Variants in TMTC2 observed in about 807,000 individuals in gnomAD.
TMTC2 encodes the protein transmembrane O-mannosyltransferase targeting cadherins 2, also known as protein O-mannosyl-transferase TMTC2.
In TMTC2, 43 loss-of-function variants were observed where a neutral mutation model predicts 82.4. The ratio of observed to expected loss-of-function variants is 0.52; its 90% CI spans 0.41 to 0.67. The LOEUF is 0.67. Among genes scored for constraint, TMTC2 ranks in the 30% least tolerant of loss-of-function variants. TMTC2 has a pLI of 0.00. For missense variants in TMTC2, 919 were observed against 1,012.4 expected (o/e 0.91, Z 1.25); for synonymous variants, 408 against 381.9 (o/e 1.07, Z -0.80).
intron 1 of TMTC2, among the ~76,000 whole-genome samples, chr12:82,801,399 GAACAAAGCTTCCACC>G (rs1878990593): frequency 1.3e-5 from 2 of 152,176 alleles, no homozygotes; most frequent in East Asian, 1.9e-4. Flanking sequence ...AAGAGCGAAA[GAACAAAGCTTCCACC>G]GTGTAGAAGG....
At chr12:83,039,025 G>T (rs1881787918) in intron 9 of TMTC2, among the ~76,000 whole-genome samples, 1 of 143,492 alleles carries the variant, frequency 7.0e-6, no homozygotes, top group Non-Finnish European at 1.5e-5. Flanking sequence ...TCTGCCCCCC[G>T]GGTTCAAGCG....
At chr12:83,101,882 C>T (rs1206259550) in intron 11 of TMTC2, among the ~76,000 whole-genome samples, 1 of 152,058 alleles carries the variant, frequency 6.6e-6, no homozygotes, top group Non-Finnish European at 1.5e-5. Context: ...GATCTAGGGG[C>T]TTTGTATGCA....
chr12:82,895,982 C>T lies in TMTC2; in HGVS notation c.819C>T (p.Phe273=). ...GCCTCCTCACCCGCACTCTCACCTT[C>T]TTCTACTTGCCAACCAAGAACCTCT... The part of the protein sequence containing the change: ...SDSLLTRTLT[F]FYLPTKNLWL... Residue 273 remains phenylalanine, a synonymous_variant, in exon 3 of 12, where the codon TTC becomes TTT. Transcript: ENST00000321196. 6.2e-7 allele frequency: 1 copy of T among 1,613,938 alleles called. No homozygotes were observed. The highest frequency in any genetic ancestry group is 8.5e-7 in the Non-Finnish European group (1 of 1,180,014).
chr12:83,015,914 C>A (rs929552288), intron 8 of TMTC2, among the ~76,000 whole-genome samples: 1 of 152,144 alleles, frequency 6.6e-6, no homozygotes, highest in East Asian at 1.9e-4. Flanking sequence ...CCCCTTTCCA[C>A]CTAGTTTAAA....
At chr12:82,803,456 T>C (rs929929322) in intron 1 of TMTC2, among the ~76,000 whole-genome samples, 2 of 152,088 alleles carry the variant, frequency 1.3e-5, no homozygotes, top group Admixed American at 1.3e-4. Flanking sequence ...GTCACAGTTG[T>C]TACATGAAAG....
At chr12:82,766,599 A>T (rs1876974648) in intron 1 of TMTC2, among the ~76,000 whole-genome samples, 1 of 152,204 alleles carries the variant, frequency 6.6e-6, no homozygotes, top group African/African-American at 2.4e-5. Flanking sequence ...CCTACATCTT[A>T]TGAAGATGAT....
chr12:83,041,643 C>T (rs560943372), intron 9 of TMTC2, among the ~76,000 whole-genome samples: 1 of 152,120 alleles, frequency 6.6e-6, no homozygotes. Context: ...AACCTCTTTA[C>T]ATGTAAACAA....
At chr12:82,792,602 G>C (rs1878523382) in intron 1 of TMTC2, among the ~76,000 whole-genome samples, 1 of 151,984 alleles carries the variant, frequency 6.6e-6, no homozygotes, top group Non-Finnish European at 1.5e-5. Context: ...GAGTAGCTGG[G>C]ACAACAGACG....
At chr12:83,080,996 A>C (rs1340996756) in intron 11 of TMTC2, among the ~76,000 whole-genome samples, 1 of 152,220 alleles carries the variant, frequency 6.6e-6, no homozygotes, top group African/African-American at 2.4e-5. Flanking sequence ...TGTGGATATA[A>C]TGAGAAATAG....
intron 4 of TMTC2, among the ~76,000 whole-genome samples, chr12:82,961,683 C>T (rs1260127587): frequency 6.6e-6 from 1 of 152,048 alleles, no homozygotes; most frequent in Non-Finnish European, 1.5e-5. Context: ...CGTCTGCCTA[C>T]TGGCAGTCTC....
At chr12:82,885,536 A>AT (rs10645908) in intron 2 of TMTC2, among the ~76,000 whole-genome samples, 5,813 of 145,992 alleles carry the variant, frequency 0.04, 153 homozygotes, top group East Asian at 0.11. Flanking sequence ...TGTCTGGCTA[A>AT]TTTTTTTTTT....
At chr12:83,053,127 G>A (rs1163465639) in intron 10 of TMTC2, among the ~76,000 whole-genome samples, 1 of 152,100 alleles carries the variant, frequency 6.6e-6, no homozygotes, top group Non-Finnish European at 1.5e-5. Context: ...AAAGGTTACT[G>A]GTTTCCCCTT....
At chr12:83,044,124 G>T (rs1222695994) in intron 9 of TMTC2, among the ~76,000 whole-genome samples, 1 of 152,198 alleles carries the variant, frequency 6.6e-6, no homozygotes. Context: ...ATCACTGCAA[G>T]ATATGGAAAT....
At chr12:82,809,155 G>T (rs1388559731) in intron 1 of TMTC2, among the ~76,000 whole-genome samples, 1 of 151,322 alleles carries the variant, frequency 6.6e-6, no homozygotes, top group Admixed American at 6.6e-5. Flanking sequence ...AAGAAACAAA[G>T]GATATTACCG....
chr12:82,749,158 G>A (rs913640758), intron 1 of TMTC2, among the ~76,000 whole-genome samples: 3 of 152,120 alleles, frequency 2.0e-5, no homozygotes, highest in African/African-American at 2.4e-5. Flanking sequence ...CCTCTTTGAC[G>A]GTGGCTCAGA....
At chr12:83,071,216 G>A (rs11115565) in intron 11 of TMTC2, among the ~76,000 whole-genome samples, 47,910 of 149,340 alleles carry the variant, frequency 0.32, 7,966 homozygotes, top group South Asian at 0.47. Context: ...GTGCAGTGGC[G>A]CTATCTCGGC....
chr12:83,112,239 A>G (rs1196770134), intron 11 of TMTC2, among the ~76,000 whole-genome samples: 3 of 152,180 alleles, frequency 2.0e-5, no homozygotes, highest in Non-Finnish European at 4.4e-5. Flanking sequence ...ACCTCAATGT[A>G]TCAATCCATT....
rs1479724649 is a variant in TMTC2 at position 82,906,400 on chromosome 12, C to T, written c.1483+9754C>T. Among the ~76,000 whole-genome samples the T allele has an allele frequency of 2.0e-5, 3 of 152,242 alleles. No individual in the cohort carries two copies. In the East Asian group the frequency reaches 5.8e-4, roughly 29 times the overall value. On this transcript the variant is annotated intron_variant, in intron 3 of 11. Transcript: ENST00000321196. ...CCATTTAAGGCCAGACACGGTGGCTCAAGTCTGTAATCCCAGCACTTTGGG... is the reference window on the plus strand; with the variant it reads ...CCATTTAAGGCCAGACACGGTGGCTTAAGTCTGTAATCCCAGCACTTTGGG...
chr12:83,100,204 G>A (rs1884169235), intron 11 of TMTC2, among the ~76,000 whole-genome samples: 1 of 152,078 alleles, frequency 6.6e-6, no homozygotes, highest in African/African-American at 2.4e-5. Context: ...ATAGGTGTAA[G>A]CCATCACTCC....
Sources: allele counts gnomAD v4.1 joint callset (sites outside exome capture counted in the v4.1 genomes callset), GRCh38; gene constraint gnomAD v4.1.1; transcripts MANE v1.5; gene names NCBI Gene and HGNC (gene_info 2026-07-23, HGNC 2026-07-21).